Variants in TXNDC15 observed in about 807,000 individuals in gnomAD.
TXNDC15 encodes the protein thioredoxin domain-containing protein 15.
Under a neutral mutation model 35.0 loss-of-function variants are expected in TXNDC15, and 24 were observed. The observed-to-expected ratio is 0.68, with a 90% confidence interval of 0.50 to 0.96. TXNDC15 has a LOEUF of 0.96. Ranked by LOEUF, TXNDC15 falls within the 40% of genes least tolerant of loss-of-function variation. The probability of loss-of-function intolerance (pLI) is 0.00; values close to 1 mark genes in which losing one functional copy is unlikely to be tolerated. For synonymous variants in TXNDC15, 169 were observed against 174.0 expected, an observed-to-expected ratio of 0.97 and a Z score of 0.23; for missense variants, 385 against 453.3, an observed-to-expected ratio of 0.85 and a Z score of 1.37.
intron 2 of TXNDC15, among the ~76,000 whole-genome samples, chr5:134,890,880 G>A (rs1169320047): frequency 5.9e-5 from 9 of 152,184 alleles, no homozygotes. Flanking sequence ...ATCCTTTGTC[G>A]TCATTTCAAC....
chr5:134,878,667 T>C (rs757267715), intron 1 of TXNDC15, among the ~76,000 whole-genome samples: 12 of 152,202 alleles, frequency 7.9e-5, no homozygotes, highest in Non-Finnish European at 1.5e-4. Context: ...ATGCAATAAT[T>C]ATCACTTTAT....
chr5:134,882,546 G>C (rs1470911709), intron 1 of TXNDC15, among the ~76,000 whole-genome samples: 2 of 152,226 alleles, frequency 1.3e-5, no homozygotes, highest in Non-Finnish European at 2.9e-5. Flanking sequence ...ACTCCAGCCT[G>C]GGCACCATTG....
intron 1 of TXNDC15, 52 bp from the exon 2 acceptor site, chr5:134,887,643 G>T: frequency 6.6e-7 from 1 of 1,517,376 alleles, no homozygotes; most frequent in East Asian, 2.3e-5. Flanking sequence ...ATTCTTTGGG[G>T]TTCATTTGTT....
chr5:134,878,786 G>A (rs1173922283), intron 1 of TXNDC15, among the ~76,000 whole-genome samples: 2 of 152,238 alleles, frequency 1.3e-5, no homozygotes, highest in African/African-American at 4.8e-5. Flanking sequence ...ATCATTTGAG[G>A]CCAGAAGTTT....
chr5:134,883,587 CAAAAAA>C (rs60114636), intron 1 of TXNDC15, among the ~76,000 whole-genome samples: 26 of 65,358 alleles, frequency 4.0e-4, no homozygotes, highest in African/African-American at 1.9e-3. Flanking sequence ...GACCCTGTCT[CAAAAAA>C]AAAAAAAAAA....
intron 1 of TXNDC15, among the ~76,000 whole-genome samples, chr5:134,886,236 C>A (rs560130147): frequency 1.3e-5 from 2 of 152,322 alleles, no homozygotes; most frequent in South Asian, 4.1e-4. Flanking sequence ...AAATCTTATA[C>A]AAATGTGCAT....
At chr5:134,890,863 A>G (rs1190835158) in intron 2 of TXNDC15, among the ~76,000 whole-genome samples, 1 of 152,242 alleles carries the variant, frequency 6.6e-6, no homozygotes, top group Non-Finnish European at 1.5e-5. Context: ...TTTATGGAAT[A>G]TTCTAAATCC....
intron 4 of TXNDC15, among the ~76,000 whole-genome samples, chr5:134,897,304 A>G (rs958560393): frequency 6.6e-6 from 1 of 151,102 alleles, no homozygotes; most frequent in African/African-American, 2.5e-5. Context: ...CTGGAGTGCA[A>G]TGGCATAATC....
Position 134,893,669 on chromosome 5 carries a change from GT to G in TXNDC15, c.755+15del. 1 of 1,614,014 alleles carries G rather than the reference GT, an allele frequency of 6.2e-7. No individual in the cohort carries two copies. On this transcript the variant is annotated intron_variant, in intron 3 of 4. Coordinates refer to ENST00000358387, the MANE Select transcript of TXNDC15 (RefSeq NM_024715.4). The stretch of plus-strand genomic sequence containing the variant: ...TCAGCACAGCAGGTATCTTCCATTG[GT>G]GGGGTTTACGTCCATCCTCCTGGCT...
intron 1 of TXNDC15, among the ~76,000 whole-genome samples, chr5:134,880,586 G>A (rs1225831307): frequency 1.3e-5 from 2 of 151,754 alleles, no homozygotes; most frequent in African/African-American, 4.8e-5. Context: ...ACGGGCGCCC[G>A]CTACCATGCC....
At chr5:134,888,905 A>C (rs1340064745) in intron 2 of TXNDC15, among the ~76,000 whole-genome samples, 1 of 292 alleles carries the variant, frequency 3.4e-3, no homozygotes, top group Non-Finnish European at 7.7e-3. Flanking sequence ...TGTTATATTG[A>C]TGAAATTTTC....
chr5:134,895,577 T>G (rs553403902), intron 3 of TXNDC15, among the ~76,000 whole-genome samples: 14 of 152,354 alleles, frequency 9.2e-5, no homozygotes, highest in Admixed American at 1.3e-4. Context: ...TATGTTAATA[T>G]TTAAGTTACA....
intron 1 of TXNDC15, among the ~76,000 whole-genome samples, chr5:134,881,207 A>G (rs1337899965): frequency 9.1e-6 from 1 of 109,962 alleles, no homozygotes; most frequent in Non-Finnish European, 1.9e-5. Flanking sequence ...TTATTTTTTT[A>G]TTGATCATTC....
intron 2 of TXNDC15, among the ~76,000 whole-genome samples, chr5:134,890,386 CTTCTT>C (rs1470728171): frequency 7.3e-4 from 108 of 147,486 alleles, no homozygotes; most frequent in African/African-American, 2.7e-3. Context: ...TTTCTCTTCT[CTTCTT>C]TTCTCTTCTC....
rs1164214124 is a variant in TXNDC15, at chr5:134,888,078, G to T, written c.487G>T (p.Asp163Tyr). 6.2e-7 allele frequency: 1 copy of T among 1,614,076 alleles called. No individual in the cohort carries two copies. Among genetic ancestry groups the T allele is most frequent in the South Asian group, 1.1e-5 (1 of 91,088 alleles). The change falls in exon 2 of 5, where the codon GAC (aspartate) becomes TAC (tyrosine). Residue 163 changes from aspartate (D) to tyrosine (Y), a missense_variant. Asp to Tyr is a radical substitution (Grantham distance 160). Coordinates refer to ENST00000358387, the MANE Select transcript of TXNDC15 (RefSeq NM_024715.4). ...GGAATCTGACGCAGCCCCGACAGAG[G>T]ACTCCAATAACACTGAAAGTCTGAA... The part of the protein sequence containing the change: ...VAESDAAPTE[D>Y]SNNTESLKSP...
intron 1 of TXNDC15, among the ~76,000 whole-genome samples, chr5:134,885,452 T>C (rs1750257048): frequency 6.6e-6 from 1 of 152,228 alleles, no homozygotes; most frequent in African/African-American, 2.4e-5. Flanking sequence ...TGTGTGAATG[T>C]TGGGTACTGT....
chr5:134,899,728 G>T lies in TXNDC15; in HGVS notation c.*43G>T, dbSNP rs73790726. On this transcript the variant is annotated 3_prime_UTR_variant, in exon 5 of 5. Coordinates refer to ENST00000358387, the MANE Select transcript of TXNDC15 (RefSeq NM_024715.4). ...TTGGAAAGAGGAACTTCAATCCTTC[G>T]TTTCAGAAATTAGTGCTACAGTTTC... is the stretch of plus-strand genomic sequence containing the variant. The T allele has an allele frequency of 6.7e-7, 1 of 1,481,806 alleles. No individual in the cohort carries two copies. The highest frequency in any genetic ancestry group is 9.1e-7 in the Non-Finnish European group (1 of 1,101,564). The allele number at this position is 1,481,806 out of a possible 1,614,324, so 91.8% of individuals were successfully genotyped here. A position where few individuals can be genotyped will look rare whatever the true frequency, so the allele number is the denominator to read the frequency against.
In TXNDC15 at chr5:134,895,025, A is replaced by C. The variant is rs184655498; in HGVS notation, c.756-1269A>C. Among the ~76,000 whole-genome samples the C allele has an allele frequency of 2.6e-5, 4 of 152,106 alleles. No homozygotes were observed. The East Asian group carries it at 7.8e-4, about 30-fold the overall frequency. On this transcript the variant is annotated intron_variant, in intron 3 of 4. Coordinates refer to ENST00000358387, the MANE Select transcript of TXNDC15 (RefSeq NM_024715.4). ...TCCATCTCTATAAAAAAAAATACAA[A>C]AAATTGACTGAGGATGGTGGCACAT...
At chr5:134,886,982 T>C (rs563859706) in intron 1 of TXNDC15, among the ~76,000 whole-genome samples, 1 of 152,334 alleles carries the variant, frequency 6.6e-6, no homozygotes, top group South Asian at 2.1e-4. Context: ...TCTAGTAGAA[T>C]CTTGCATAAA....
Sources: gnomAD v4.1 joint callset for allele counts (sites outside exome capture counted in the v4.1 genomes callset) on GRCh38, gnomAD v4.1.1 for gene constraint, MANE v1.5 for transcripts, NCBI Gene and HGNC (gene_info 2026-07-23, HGNC 2026-07-21) for gene names.